The following IQCB1 variants were observed in gnomAD, a reference collection of about 807,000 sequenced individuals.
The protein encoded by IQCB1 is IQ motif containing B1, also known as IQ calmodulin-binding motif-containing protein 1.
Under a neutral mutation model 84.4 loss-of-function variants are expected in IQCB1, and 56 were observed. The ratio of observed to expected loss-of-function variants is 0.66; its 90% confidence interval spans 0.54 to 0.83. The LOEUF (loss-of-function observed/expected upper bound fraction) is 0.83, where lower values mean the gene tolerates loss of function less well. Ranked by LOEUF, IQCB1 falls within the 40% of genes least tolerant of loss-of-function variation. The pLI, the probability that IQCB1 is intolerant of heterozygous loss-of-function variation, is 0.00. For synonymous variants in IQCB1, 210 were observed against 234.8 expected (o/e 0.89, Z 0.96); for missense variants, 629 against 682.1 (o/e 0.92, Z 0.87).
chr3:121,795,702 T>G, intron 9 of IQCB1, 136 bp from the exon 10 acceptor site: 3 of 657,954 alleles, frequency 4.6e-6, no homozygotes, highest in Non-Finnish European at 2.7e-6. Flanking sequence ...TATTAAACCT[T>G]ACCTCCCAAA....
In IQCB1 at chr3:121,828,514, G is replaced by A; in HGVS notation, c.219C>T (p.Ile73=). 1.2e-6 allele frequency: 2 copies of A among 1,612,938 alleles called. No homozygotes were observed. The highest frequency in any genetic ancestry group is 1.7e-6 in the Non-Finnish European group (2 of 1,179,142). ...LLVLSQDYSR[I]QGGWTTISQL... is the part of the protein sequence containing the mutation. ...GGGAAATTGTAGTCCAACCACCCTG[G>A]ATTCGAGAATAATCTTGACTGAGGA... The change falls in exon 4 of 15, where the codon ATC becomes ATT. Residue 73 remains isoleucine, a synonymous_variant. Transcript: ENST00000310864.
chr3:121,790,296 T>G, intron 10 of IQCB1, 81 bp from the exon 11 acceptor site: 1 of 1,301,890 alleles, frequency 7.7e-7, no homozygotes, highest in Admixed American at 1.9e-5. Context: ...ATCAAATAAA[T>G]GTAAACAGAA....
chr3:121,793,557 G>A (rs1469952397), intron 10 of IQCB1, among the ~76,000 whole-genome samples: 1 of 152,110 alleles, frequency 6.6e-6, no homozygotes, highest in Non-Finnish European at 1.5e-5. Flanking sequence ...ATAGAAGAGC[G>A]AAGGTGCTGA....
At chr3:121,788,978 T>C (rs1452190857) in intron 11 of IQCB1, among the ~76,000 whole-genome samples, 3 of 152,142 alleles carry the variant, frequency 2.0e-5, no homozygotes, top group Non-Finnish European at 4.4e-5. Context: ...CTGATATAAT[T>C]TAATGATCAA....
At chr3:121,783,950 C>T (rs193103922) in intron 12 of IQCB1, among the ~76,000 whole-genome samples, 271 of 152,268 alleles carry the variant, frequency 1.8e-3, no homozygotes, top group Non-Finnish European at 3.3e-3. Context: ...TTTTTAGCTT[C>T]CAATGTTCCT....
intron 7 of IQCB1, among the ~76,000 whole-genome samples, chr3:121,801,756 C>T (rs538325975): frequency 6.6e-6 from 1 of 150,914 alleles, no homozygotes; most frequent in African/African-American, 2.4e-5. Context: ...GCCCAGGAAA[C>T]CACCGATCTG....
chr3:121,812,962 A>T (rs1221757307), intron 5 of IQCB1, among the ~76,000 whole-genome samples: 1 of 152,214 alleles, frequency 6.6e-6, no homozygotes, highest in Non-Finnish European at 1.5e-5. Context: ...AACACACTTA[A>T]TTGTCAGATT....
chr3:121,773,326 A>G (rs2108508677), intron 13 of IQCB1, among the ~76,000 whole-genome samples: 1 of 151,150 alleles, frequency 6.6e-6, no homozygotes, highest in East Asian at 1.9e-4. Flanking sequence ...AAAAAAAAAA[A>G]AAAAAAAAAA....
At chr3:121,785,083 T>G (rs1401417941) in intron 12 of IQCB1, among the ~76,000 whole-genome samples, 1 of 152,110 alleles carries the variant, frequency 6.6e-6, no homozygotes, top group Non-Finnish European at 1.5e-5. Context: ...TTTTAGCAAA[T>G]TTCCCCAATT....
chr3:121,833,981 T>C (rs1045177706), intron 2 of IQCB1: 3 of 152,222 alleles, frequency 2.0e-5, no homozygotes, highest in Non-Finnish European at 4.4e-5. Context: ...ATTATTTTTT[T>C]CCCAATTTGA....
At chr3:121,828,334 T>G (rs1950524310) in intron 4 of IQCB1, 136 bp downstream of exon 4, 1 of 726,728 alleles carries the variant, frequency 1.4e-6, no homozygotes, top group African/African-American at 1.8e-5. Context: ...ACATATAATA[T>G]GAAGGAAAAG....
At chr3:121,789,937 T>C (rs1948889137) in intron 11 of IQCB1, 136 bp downstream of exon 11, 1 of 749,810 alleles carries the variant, frequency 1.3e-6, no homozygotes, top group African/African-American at 1.8e-5. Flanking sequence ...GAAGATCTAA[T>C]AAAGTTTATC....
intron 12 of IQCB1, among the ~76,000 whole-genome samples, chr3:121,784,447 T>C (rs1948629249): frequency 6.6e-6 from 1 of 152,196 alleles, no homozygotes. Context: ...TGCTCCATTT[T>C]ATACGGTATC....
At chr3:121,774,096 C>A (rs1044952721) in intron 13 of IQCB1, among the ~76,000 whole-genome samples, 2 of 151,738 alleles carry the variant, frequency 1.3e-5, no homozygotes, top group Non-Finnish European at 2.9e-5. Flanking sequence ...CAAAATATAA[C>A]CCTGTGGAAA....
chr3:121,790,014 G>A (rs1489539694), intron 11 of IQCB1, 59 bp downstream of exon 11: 1 of 1,434,448 alleles, frequency 7.0e-7, no homozygotes, highest in East Asian at 2.3e-5. Flanking sequence ...TAGAAAAGTT[G>A]GTTTGTTAAA....
intron 13 of IQCB1, among the ~76,000 whole-genome samples, chr3:121,780,294 G>A (rs1184158450): frequency 1.3e-5 from 2 of 152,196 alleles, no homozygotes; most frequent in African/African-American, 2.4e-5. Context: ...CCCTCTCAGA[G>A]ATTATTGTTC....
intron 7 of IQCB1, among the ~76,000 whole-genome samples, chr3:121,801,103 C>A (rs1038325825): frequency 6.6e-6 from 1 of 151,902 alleles, no homozygotes; most frequent in Admixed American, 6.6e-5. Context: ...CCCAGTATAA[C>A]CCTAAAAGGT....
chr3:121,806,015 C>T (rs923696237), intron 7 of IQCB1, among the ~76,000 whole-genome samples: 1 of 152,060 alleles, frequency 6.6e-6, no homozygotes, highest in Non-Finnish European at 1.5e-5. Flanking sequence ...GTAAGATTCA[C>T]CTTGTTTATT....
intron 5 of IQCB1, among the ~76,000 whole-genome samples, chr3:121,820,915 T>G (rs1950249404): frequency 7.8e-6 from 1 of 127,762 alleles, no homozygotes. Context: ...TACTCTTATG[T>G]CTCCTCAAAA....
Sources: gnomAD v4.1 joint callset for allele counts (sites outside exome capture counted in the v4.1 genomes callset) on GRCh38, gnomAD v4.1.1 for gene constraint, MANE v1.5 for transcripts, NCBI Gene and HGNC (gene_info 2026-07-23, HGNC 2026-07-21) for gene names.